CCDC91: variants seen among roughly 807,000 people sequenced by gnomAD.
CCDC91 encodes the protein coiled-coil domain containing 91, also known as coiled-coil domain-containing protein 91.
Under a neutral mutation model 63.2 loss-of-function variants are expected in CCDC91, and 48 were observed. The observed-to-expected ratio is 0.76, with a 90% CI of 0.60 to 0.97. The LOEUF (loss-of-function observed/expected upper bound fraction) is 0.97, where lower values mean the gene tolerates loss of function less well. Ranked by LOEUF, CCDC91 falls within the 50% of genes least tolerant of loss-of-function variation. CCDC91 has a pLI of 0.00. For missense variants in CCDC91, 500 were observed against 494.6 expected, an observed-to-expected ratio of 1.01 and a Z score of -0.10; for synonymous variants, 167 against 165.8, an observed-to-expected ratio of 1.01 and a Z score of -0.06.
At chr12:28,214,365 C>T (rs1414362128) in intron 1 of CCDC91, among the ~76,000 whole-genome samples, 3 of 151,938 alleles carry the variant, frequency 2.0e-5, no homozygotes, top group Admixed American at 1.3e-4. Context: ...CTGACCAACC[C>T]AACCCAACCC....
chr12:28,489,978 T>G (rs1951912268), intron 12 of CCDC91, among the ~76,000 whole-genome samples: 1 of 151,964 alleles, frequency 6.6e-6, no homozygotes, highest in Admixed American at 6.6e-5. Context: ...CTAATGACTC[T>G]TAAAGTCCTA....
At chr12:28,521,924 A>C (rs1024969113) in intron 12 of CCDC91, among the ~76,000 whole-genome samples, 15 of 152,092 alleles carry the variant, frequency 9.9e-5, no homozygotes, top group African/African-American at 1.9e-4. Flanking sequence ...GGATGAAGCC[A>C]ACTTGATCAT....
intron 12 of CCDC91, among the ~76,000 whole-genome samples, chr12:28,533,944 C>T (rs1941949072): frequency 6.6e-6 from 1 of 151,724 alleles, no homozygotes; most frequent in Non-Finnish European, 1.5e-5. Context: ...TTTTCTTATA[C>T]TTGTTTTATT....
At chr12:28,455,294 A>C (rs570324892) in intron 11 of CCDC91, among the ~76,000 whole-genome samples, 1 of 152,190 alleles carries the variant, frequency 6.6e-6, no homozygotes, top group South Asian at 2.1e-4. Flanking sequence ...AATTGGAAAA[A>C]CTAATATATT....
chr12:28,349,267 G>A (rs1199481192), intron 6 of CCDC91, among the ~76,000 whole-genome samples: 1 of 151,962 alleles, frequency 6.6e-6, no homozygotes, highest in East Asian at 1.9e-4. Flanking sequence ...TCATTTAGAA[G>A]CTTTCTCTAA....
intron 8 of CCDC91, among the ~76,000 whole-genome samples, chr12:28,426,592 G>A (rs1008649960): frequency 5.9e-5 from 9 of 152,022 alleles, no homozygotes; most frequent in African/African-American, 1.9e-4. Context: ...CCTTAGTCAT[G>A]TTGAATCTAC....
At chr12:28,334,719 A>C (rs1350916324) in intron 6 of CCDC91, among the ~76,000 whole-genome samples, 1 of 152,174 alleles carries the variant, frequency 6.6e-6, no homozygotes, top group Non-Finnish European at 1.5e-5. Flanking sequence ...TAAAGTAAGG[A>C]AATCCAATGG....
At chr12:28,433,833 T>A (rs1166882374) in intron 8 of CCDC91, among the ~76,000 whole-genome samples, 1 of 151,960 alleles carries the variant, frequency 6.6e-6, no homozygotes. Flanking sequence ...TTCTGATTCA[T>A]GATCTCAGAA....
chr12:28,191,483 T>C (rs554458052), intron 1 of CCDC91: 2 of 152,392 alleles, frequency 1.3e-5, no homozygotes, highest in Admixed American at 1.3e-4. Context: ...CCCTCCCCTC[T>C]CAGCTGTGCG....
At chr12:28,434,406 A>G (rs1220620493) in intron 8 of CCDC91, among the ~76,000 whole-genome samples, 1 of 151,364 alleles carries the variant, frequency 6.6e-6, no homozygotes, top group East Asian at 1.9e-4. Flanking sequence ...CATGTGATTG[A>G]TTACATTAGT....
At position 28,289,964 on chromosome 12, in the gene CCDC91, A is replaced by G. The variant is rs183074425; in HGVS notation, c.110-15685A>G. 3.3e-5 allele frequency among the ~76,000 whole-genome samples: 5 copies of G among 152,080 alleles called. No homozygotes were observed. The East Asian group carries it at 9.7e-4, about 29-fold the overall frequency. ...GCCTCGGCCTCCCAAAGTGCTGGGA[A>G]TACAGGCGTGAGCCACCACACCTGG... On this transcript the variant is annotated intron_variant, in intron 3 of 12. Coordinates refer to ENST00000536442, the MANE Select transcript of CCDC91 (RefSeq NM_018318.5).
chr12:28,352,034 TA>T (rs1943217052), intron 6 of CCDC91, among the ~76,000 whole-genome samples: 1 of 152,162 alleles, frequency 6.6e-6, no homozygotes, highest in Admixed American at 6.5e-5. Context: ...AGTAAGTGAG[TA>T]AGATGAATTT....
At chr12:28,280,808 G>A (rs1315193479) in intron 3 of CCDC91, among the ~76,000 whole-genome samples, 2 of 124,350 alleles carry the variant, frequency 1.6e-5, no homozygotes, top group East Asian at 2.3e-4. Flanking sequence ...GTGAGACCGC[G>A]TTTCTTTAAA....
At chr12:28,484,754 C>T (rs991132962) in intron 12 of CCDC91, among the ~76,000 whole-genome samples, 8 of 151,606 alleles carry the variant, frequency 5.3e-5, no homozygotes, top group Admixed American at 2.0e-4. Context: ...GATTTGTTGT[C>T]GTTTCAATAA....
intron 12 of CCDC91, among the ~76,000 whole-genome samples, chr12:28,533,829 G>A (rs1941938516): frequency 6.6e-6 from 1 of 151,436 alleles, no homozygotes; most frequent in African/African-American, 2.4e-5. Context: ...TTTGAAAAGT[G>A]TTTCCATAGC....
intron 3 of CCDC91, among the ~76,000 whole-genome samples, chr12:28,291,181 C>T (rs1360777009): frequency 6.6e-6 from 1 of 152,156 alleles, no homozygotes; most frequent in Non-Finnish European, 1.5e-5. Context: ...ATCCATGCTT[C>T]AGGATTCAGT....
intron 12 of CCDC91, among the ~76,000 whole-genome samples, 172 bp from the exon 13 acceptor site, chr12:28,548,891 T>A (rs1943161591): frequency 6.6e-6 from 1 of 152,186 alleles, no homozygotes; most frequent in African/African-American, 2.4e-5. Flanking sequence ...TCTTAGATGA[T>A]TTAGGCCAGA....
chr12:28,472,838 G>A (rs996742417), intron 11 of CCDC91, among the ~76,000 whole-genome samples: 1 of 152,156 alleles, frequency 6.6e-6, no homozygotes, highest in Non-Finnish European at 1.5e-5. Flanking sequence ...TTTCTCAAAT[G>A]CATAAGTGGA....
chr12:28,423,605 G>A (rs536887767), intron 8 of CCDC91, among the ~76,000 whole-genome samples: 2 of 152,112 alleles, frequency 1.3e-5, no homozygotes, highest in East Asian at 3.9e-4. Flanking sequence ...ATTTTAAAAC[G>A]CTGGAATAGT....
Sources: allele counts gnomAD v4.1 joint callset (sites outside exome capture counted in the v4.1 genomes callset), GRCh38; gene constraint gnomAD v4.1.1; transcripts MANE v1.5; gene names NCBI Gene and HGNC (gene_info 2026-07-23, HGNC 2026-07-21).